The following NFIA variants were observed in gnomAD, a reference collection of about 807,000 sequenced individuals.
NFIA encodes the protein nuclear factor I A.
Under a neutral mutation model 62.8 loss-of-function variants are expected in NFIA, and 8 were observed. That is an observed-to-expected ratio of 0.13 (90% CI 0.07 to 0.23). The LOEUF is 0.23. NFIA is among the 10% of genes least tolerant of loss of function. The pLI is 1.00. For missense variants in NFIA, 410 were observed against 642.1 expected, an observed-to-expected ratio of 0.64 and a Z score of 3.91; for synonymous variants, 235 against 238.1, an observed-to-expected ratio of 0.99 and a Z score of 0.12.
At chr1:61,120,112 T>G (rs899341461) in intron 2 of NFIA, among the ~76,000 whole-genome samples, 1 of 152,194 alleles carries the variant, frequency 6.6e-6, no homozygotes, top group Non-Finnish European at 1.5e-5. Flanking sequence ...CAAACCAGAT[T>G]TCATTGGTTT....
chr1:61,341,927 G>T (rs759894073), intron 4 of NFIA, among the ~76,000 whole-genome samples: 1 of 152,168 alleles, frequency 6.6e-6, no homozygotes, highest in Non-Finnish European at 1.5e-5. Context: ...TTACCCTGCA[G>T]TAGGGCCACA....
At chr1:61,199,979 A>G (rs1366745295) in intron 2 of NFIA, among the ~76,000 whole-genome samples, 1 of 140,530 alleles carries the variant, frequency 7.1e-6, no homozygotes, top group Non-Finnish European at 1.5e-5. Flanking sequence ...TGCACGACAG[A>G]GCGAGACTCC....
At chr1:61,308,676 G>A (rs1557696997) in intron 3 of NFIA, among the ~76,000 whole-genome samples, 1 of 152,134 alleles carries the variant, frequency 6.6e-6, no homozygotes, top group East Asian at 1.9e-4. Flanking sequence ...GTGACCTCAA[G>A]CAAATCATTT....
At chr1:61,434,210 C>T (rs1049412495) in intron 10 of NFIA, among the ~76,000 whole-genome samples, 9 of 152,132 alleles carry the variant, frequency 5.9e-5, no homozygotes, top group Non-Finnish European at 1.2e-4. Flanking sequence ...CCCTCAGAAT[C>T]TAAAGGGAAA....
At chr1:61,409,201 T>C (rs1665986199) in intron 9 of NFIA, among the ~76,000 whole-genome samples, 1 of 152,204 alleles carries the variant, frequency 6.6e-6, no homozygotes, top group Admixed American at 6.5e-5. Context: ...GTCCCAGAGC[T>C]TGATACAGAT....
At chr1:61,100,629 T>A (rs1646491791) in intron 2 of NFIA, among the ~76,000 whole-genome samples, 1 of 152,204 alleles carries the variant, frequency 6.6e-6, no homozygotes. Flanking sequence ...GGTCTTGCTC[T>A]GTTGCCTAGC....
chr1:61,373,020 T>A (rs1270072340), intron 6 of NFIA, among the ~76,000 whole-genome samples: 1 of 152,282 alleles, frequency 6.6e-6, no homozygotes, highest in South Asian at 2.1e-4. Context: ...TTTAAAAAAA[T>A]TCATTTTCTT....
chr1:61,114,523 C>T (rs1338233033), intron 2 of NFIA, among the ~76,000 whole-genome samples: 2 of 152,032 alleles, frequency 1.3e-5, no homozygotes, highest in Non-Finnish European at 2.9e-5. Context: ...TTCCTTTCTC[C>T]TTTCAGAGGA....
intron 2 of NFIA, among the ~76,000 whole-genome samples, chr1:61,250,572 T>C (rs1655962873): frequency 6.6e-6 from 1 of 152,178 alleles, no homozygotes; most frequent in South Asian, 2.1e-4. Flanking sequence ...AGACAAAAAT[T>C]TGAATTGTAA....
At chr1:61,405,550 G>T (rs1037453700) in intron 8 of NFIA, among the ~76,000 whole-genome samples, 3 of 152,166 alleles carry the variant, frequency 2.0e-5, no homozygotes, top group African/African-American at 7.2e-5. Flanking sequence ...TTTGATTGGG[G>T]ACTAAATGTG....
chr1:61,257,783 C>T (rs72929861), intron 2 of NFIA, among the ~76,000 whole-genome samples: 1,954 of 151,662 alleles, frequency 0.013, 39 homozygotes, highest in African/African-American at 0.044. Flanking sequence ...AATCATAGCT[C>T]AGCATAGCCT....
At chr1:61,434,159 T>C (rs1667227767) in intron 10 of NFIA, among the ~76,000 whole-genome samples, 1 of 152,192 alleles carries the variant, frequency 6.6e-6, no homozygotes, top group Non-Finnish European at 1.5e-5. Context: ...GGGGAGACAA[T>C]GTCTCTGAGA....
chr1:61,129,584 G>A (rs1475399824), intron 2 of NFIA, among the ~76,000 whole-genome samples: 1 of 151,626 alleles, frequency 6.6e-6, no homozygotes, highest in East Asian at 1.9e-4. Context: ...CGAGTAGCTG[G>A]GATTATAGGT....
At position 61,260,681 on chromosome 1, in the gene NFIA, T is replaced by C. The variant is rs181615123; in HGVS notation, c.560-16839T>C. 4.4e-3 allele frequency among the ~76,000 whole-genome samples: 664 copies of C among 152,272 alleles called. 3 individuals carry two copies. Among genetic ancestry groups the C allele is most frequent in the Non-Finnish European group, 7.0e-3 (475 of 68,008 alleles). ...CTGCAAGCTCCGCCTCCCGGGTTCATGCCATTCTCCTGCCTCAACCTCTGG... is the reference window on the plus strand; with the variant it reads ...CTGCAAGCTCCGCCTCCCGGGTTCACGCCATTCTCCTGCCTCAACCTCTGG... On this transcript the variant is annotated intron_variant, in intron 2 of 10. Transcript: ENST00000403491.
chr1:61,232,051 CA>C, intron 2 of NFIA, among the ~76,000 whole-genome samples: 1 of 151,942 alleles, frequency 6.6e-6, no homozygotes, highest in East Asian at 1.9e-4. Context: ...ATTGAGGGCT[CA>C]AAACAGAACT....
intron 2 of NFIA, among the ~76,000 whole-genome samples, chr1:61,138,355 C>A (rs936112052): frequency 6.6e-6 from 1 of 152,086 alleles, no homozygotes; most frequent in Admixed American, 6.6e-5. Flanking sequence ...CTTAGCTTCC[C>A]AAAGTATTGG....
At chr1:61,383,923 G>GT (rs1296012194) in intron 7 of NFIA, among the ~76,000 whole-genome samples, 1 of 152,072 alleles carries the variant, frequency 6.6e-6, no homozygotes, top group East Asian at 1.9e-4. Flanking sequence ...AGTTTGTCTG[G>GT]TTTTCATTGC....
rs66989543 is a variant in NFIA, at chr1:61,175,128, G to GATTATTATTATT, written c.559+86464_559+86475dup. Among the ~76,000 whole-genome samples, 14 of 150,152 alleles carry GATTATTATTATT rather than the reference G, an allele frequency of 9.3e-5. No individual in the cohort carries two copies. The South Asian group carries it at 2.5e-3, about 27-fold the overall frequency. On this transcript the variant is annotated intron_variant, in intron 2 of 10. Coordinates refer to ENST00000403491, the MANE Select transcript of NFIA (RefSeq NM_001134673.4). ...ATTGACACTTAAACTTTTCTGTATT[G>GATTATTATTATT]ATTATTATTATTATTATTATTATTA...
intron 2 of NFIA, among the ~76,000 whole-genome samples, chr1:61,173,768 A>C (rs978919671): frequency 2.6e-5 from 4 of 152,106 alleles, no homozygotes; most frequent in Non-Finnish European, 4.4e-5. Flanking sequence ...GGTACATGCC[A>C]CAGAGGGAGC....
Sources: gnomAD v4.1 joint callset for allele counts (sites outside exome capture counted in the v4.1 genomes callset) on GRCh38, gnomAD v4.1.1 for gene constraint, MANE v1.5 for transcripts, NCBI Gene and HGNC (gene_info 2026-07-23, HGNC 2026-07-21) for gene names.